The following NEK9 variants were observed in gnomAD, a reference collection of about 807,000 sequenced individuals.
The protein encoded by NEK9 is NIMA related kinase 9.
A neutral mutation model predicts 123.4 loss-of-function variants in NEK9; 75 were observed. That is an observed-to-expected ratio of 0.61 (90% confidence interval 0.50 to 0.74). NEK9 has a LOEUF of 0.74. Among genes scored for constraint, NEK9 ranks in the 30% least tolerant of loss-of-function variants. The pLI is 0.00. For synonymous variants in NEK9, 438 were observed against 458.7 expected, an observed-to-expected ratio of 0.95 and a Z score of 0.58; for missense variants, 952 against 1,214.4, an observed-to-expected ratio of 0.78 and a Z score of 3.21.
rs1894787169 is a variant in NEK9 at position 75,106,643 on chromosome 14, C to G, written c.1387G>C (p.Val463Leu). 4 of 1,614,090 alleles carry G rather than the reference C, an allele frequency of 2.5e-6. No homozygotes were observed. Among genetic ancestry groups the G allele is most frequent in the Non-Finnish European group, 3.4e-6 (4 of 1,180,028 alleles). Residue 463 changes from valine to leucine, a missense_variant, in exon 12 of 22, where the codon GTT becomes CTT. Physicochemically the swap from Val to Leu is conservative, Grantham distance 32. Coordinates refer to ENST00000238616, the MANE Select transcript of NEK9 (RefSeq NM_033116.6). ...GGTTCTAGCACTTCAGGGCCAGCAA[C>G]TTTGTCCACCCCCATGCAGCCATAA... The part of the protein sequence containing the change: ...DYYGCMGVDK[V>L]AGPEVLEPMQ...
intron 17 of NEK9, among the ~76,000 whole-genome samples, chr14:75,096,210 G>C (rs1253904569): frequency 1.3e-5 from 2 of 148,978 alleles, no homozygotes; most frequent in African/African-American, 4.9e-5. Context: ...TTGAACCTGG[G>C]AGGATGCAGT....
intron 4 of NEK9, among the ~76,000 whole-genome samples, chr14:75,119,305 CCT>C (rs1895245639): frequency 6.6e-6 from 1 of 151,586 alleles, no homozygotes; most frequent in African/African-American, 2.4e-5. Flanking sequence ...AGGGTGAGAC[CCT>C]GTCTCAAAAA....
In NEK9 at chr14:75,124,599, T is replaced by C. The variant is rs1050650855; in HGVS notation, c.220-376A>G. Among the ~76,000 whole-genome samples, 4 of 152,258 alleles carry C rather than the reference T, an allele frequency of 2.6e-5. No homozygotes were observed. In the East Asian group the frequency reaches 5.8e-4, roughly 22 times the overall value. Reference sequence around the variant, plus strand: ...CAGAGAACTGGGGAGCAATTATCTATAGCTGGTCCCAGCTTCTAAAATGAA... The same window carrying C: ...CAGAGAACTGGGGAGCAATTATCTACAGCTGGTCCCAGCTTCTAAAATGAA... On this transcript the variant is annotated intron_variant, in intron 1 of 21. Transcript: ENST00000238616.
intron 1 of NEK9, 71 bp downstream of exon 1, chr14:75,126,632 G>T: frequency 8.2e-7 from 1 of 1,224,276 alleles, no homozygotes; most frequent in South Asian, 1.8e-5. Flanking sequence ...CTGGGAAAGC[G>T]GGGCCGAGAA....
intron 1 of NEK9, among the ~76,000 whole-genome samples, chr14:75,124,775 CTTT>C (rs34921975): frequency 8.8e-5 from 11 of 124,982 alleles, no homozygotes; most frequent in Admixed American, 2.5e-4. Context: ...TGTCTACTAT[CTTT>C]TTTTTTTTTT....
At chr14:75,117,896 A>G (rs867234144) in intron 5 of NEK9, among the ~76,000 whole-genome samples, 1 of 152,252 alleles carries the variant, frequency 6.6e-6, no homozygotes, top group Non-Finnish European at 1.5e-5. Flanking sequence ...TCCCAAGATG[A>G]GATATAATGA....
rs1893838087 is a variant in NEK9, at chr14:75,080,441, C to G, written c.*4123G>C. On this transcript the variant is annotated 3_prime_UTR_variant, in exon 22 of 22. Transcript: ENST00000238616. ...TTTTTAAAAAAATCTGAATTTCTTC[C>G]TGGATAGCTCAGACGATGACAGTAA... The G allele has an allele frequency of 6.6e-6, 1 of 151,830 alleles. No homozygotes were observed. Among genetic ancestry groups the G allele is most frequent in the Non-Finnish European group, 1.5e-5 (1 of 67,992 alleles). 9.4% of individuals were successfully genotyped at this position (151,830 alleles called of 1,614,324 possible).
At chr14:75,093,936 T>C (rs1324023051) in intron 18 of NEK9, among the ~76,000 whole-genome samples, 1 of 152,198 alleles carries the variant, frequency 6.6e-6, no homozygotes, top group Non-Finnish European at 1.5e-5. Context: ...TCTAGGGAAG[T>C]AGATAAAATT....
Position 75,082,997 on chromosome 14 carries a change from C to T in NEK9, c.*1567G>A, listed in dbSNP as rs1224628081. 8 of 398,462 alleles carry T rather than the reference C, an allele frequency of 2.0e-5. No homozygotes were observed. The highest frequency in any genetic ancestry group is 2.7e-5 in the Non-Finnish European group (6 of 226,060). 24.7% of individuals were successfully genotyped at this position (398,462 alleles called of 1,614,324 possible). A position where few individuals can be genotyped will look rare whatever the true frequency, so the allele number is the denominator to read the frequency against. On this transcript the variant is annotated 3_prime_UTR_variant, in exon 22 of 22. Transcript: ENST00000238616. Reference sequence around the variant, plus strand: ...GGGAACATCAAACCAAAGAAGATCCCATTGAACAGAGTTGCCTGTCCCGAG... The same window carrying T: ...GGGAACATCAAACCAAAGAAGATCCTATTGAACAGAGTTGCCTGTCCCGAG...
intron 14 of NEK9, among the ~76,000 whole-genome samples, chr14:75,102,489 C>A (rs1488625034): frequency 6.7e-6 from 1 of 150,338 alleles, no homozygotes; most frequent in Non-Finnish European, 1.5e-5. Flanking sequence ...CTGGGACTAC[C>A]GGTGCCCGCC....
At chr14:75,096,000 T>C (rs1255917918) in intron 17 of NEK9, among the ~76,000 whole-genome samples, 1 of 152,190 alleles carries the variant, frequency 6.6e-6, no homozygotes, top group East Asian at 1.9e-4. Context: ...TAAAAGCTTC[T>C]TGGCCGGGTT....
chr14:75,093,753 C>T (rs1191040011), intron 18 of NEK9, among the ~76,000 whole-genome samples: 2 of 152,194 alleles, frequency 1.3e-5, no homozygotes, highest in Non-Finnish European at 2.9e-5. Flanking sequence ...CCACACCCAG[C>T]CTATTTTACT....
intron 11 of NEK9, among the ~76,000 whole-genome samples, chr14:75,107,132 C>T (rs1262244116): frequency 3.3e-5 from 5 of 152,046 alleles, no homozygotes; most frequent in Non-Finnish European, 7.4e-5. Flanking sequence ...GATCCCACCT[C>T]TTCTCTGTTA....
chr14:75,088,527 C>G lies in NEK9; in HGVS notation c.2557G>C (p.Val853Leu), dbSNP rs762942512. 7 of 1,614,088 alleles carry G rather than the reference C, an allele frequency of 4.3e-6. No homozygotes were observed. The highest frequency in any genetic ancestry group is 1.3e-5 in the African/African-American group (1 of 75,012). The change falls in exon 20 of 22, where the codon GTG becomes CTG. Residue 853 changes from valine to leucine, a missense_variant. Around this residue, in one of 4 missense-constraint regions of NEK9, gnomAD observed 698 missense variants for 875.6 expected, o/e 0.80. Transcript: ENST00000238616. ...TGTTCCAAAGGAGCTTCAGAGGCCA[C>G]TTTGAGTCCTTGCAGCTCTTCATAG... ...LPYEELQGLKVASEAPLEHKP... is the reference protein window; with the variant it reads ...LPYEELQGLKLASEAPLEHKP...
rs745746961 is a variant in NEK9 at position 75,084,546 on chromosome 14, C to A, written c.*18G>T. ...TCTTTGGGTCCCAGTCTCCTGGGGG[C>A]TCTACAGGCTCAGGAGACTAGAGGC... On this transcript the variant is annotated 3_prime_UTR_variant, in exon 22 of 22. Transcript: ENST00000238616. The A allele has an allele frequency of 1.2e-6, 2 of 1,613,772 alleles. No homozygotes were observed. The highest frequency in any genetic ancestry group is 2.2e-5 in the South Asian group (2 of 91,074).
chr14:75,110,424 C>A, intron 8 of NEK9, 53 bp from the exon 9 acceptor site: 1 of 1,357,136 alleles, frequency 7.4e-7, no homozygotes, highest in Non-Finnish European at 1.1e-6. Flanking sequence ...TTTTATATTG[C>A]AAAGGTGTCT....
intron 10 of NEK9, among the ~76,000 whole-genome samples, chr14:75,108,212 C>T (rs1894841310): frequency 6.6e-6 from 1 of 151,688 alleles, no homozygotes; most frequent in South Asian, 2.1e-4. Context: ...GCAAGCTCTG[C>T]CTCCTGGGTT....
chr14:75,087,884 T>C (rs1453265813), intron 20 of NEK9, among the ~76,000 whole-genome samples: 1 of 152,254 alleles, frequency 6.6e-6, no homozygotes, highest in Non-Finnish European at 1.5e-5. Flanking sequence ...AACACAAGGA[T>C]GCCCATTCAT....
rs1893869030 is a variant in NEK9, at chr14:75,081,558, T to C, written c.*3006A>G. On this transcript the variant is annotated 3_prime_UTR_variant, in exon 22 of 22. Coordinates refer to ENST00000238616, the MANE Select transcript of NEK9 (RefSeq NM_033116.6). This position sits in a 1 kb window ranked among gnomAD's most constrained non-coding sequence, Gnocchi z 4.2. Reference sequence around the variant, plus strand: ...CTTTTTTGGAGGTTTAGGGATTTCATGTGAATGAATTTATTTAAAATGTAT... The same window carrying C: ...CTTTTTTGGAGGTTTAGGGATTTCACGTGAATGAATTTATTTAAAATGTAT... 1 of 152,252 alleles carries C rather than the reference T, an allele frequency of 6.6e-6. No homozygotes were observed. The highest frequency in any genetic ancestry group is 1.5e-5 in the Non-Finnish European group (1 of 68,046). The allele number at this position is 152,252 out of a possible 1,614,324, so 9.4% of individuals were successfully genotyped here.
Sources: allele counts gnomAD v4.1 joint callset (sites outside exome capture counted in the v4.1 genomes callset), GRCh38; gene constraint gnomAD v4.1.1; regional missense constraint gnomAD v4.1.1; non-coding constraint Gnocchi (gnomAD v3.1); transcripts MANE v1.5; gene names NCBI Gene and HGNC (gene_info 2026-07-23, HGNC 2026-07-21).